Variants in ABCA13 observed in about 807,000 individuals in gnomAD.
ABCA13 encodes the protein ATP binding cassette subfamily A member 13, also known as ATP-binding cassette sub-family A member 13.
ABCA13 carries 476 observed loss-of-function variants against 478.7 expected under a neutral mutation model. The ratio of observed to expected loss-of-function variants is 0.99; its 90% CI spans 0.92 to 1.07. ABCA13 has a LOEUF of 1.07. Among genes scored for constraint, ABCA13 ranks in the 50% least tolerant of loss-of-function variants. The pLI is 0.00. For missense variants in ABCA13, 6,060 were observed against 5,910.6 expected, an observed-to-expected ratio of 1.03 and a Z score of -0.83; for synonymous variants, 2,252 against 2,158.9, an observed-to-expected ratio of 1.04 and a Z score of -1.20.
chr7:48,392,312 T>C (rs1183169644), intron 38 of ABCA13, among the ~76,000 whole-genome samples, 173 bp downstream of exon 38: 1 of 152,224 alleles, frequency 6.6e-6, no homozygotes, highest in African/African-American at 2.4e-5. Flanking sequence ...ACTGAGAATG[T>C]CAGAAAAGGC....
At chr7:48,458,170 A>C (rs561766836) in intron 43 of ABCA13, among the ~76,000 whole-genome samples, 27 of 152,282 alleles carry the variant, frequency 1.8e-4, no homozygotes, top group African/African-American at 6.3e-4. Flanking sequence ...GTGCCCTCTT[A>C]TGAGTGATAA....
chr7:48,175,074 G>A lies in ABCA13; in HGVS notation c.69+3522G>A, dbSNP rs138188058. On this transcript the variant is annotated intron_variant, in intron 1 of 61. Coordinates refer to ENST00000435803, the MANE Select transcript of ABCA13 (RefSeq NM_152701.5). ...GAGATCAGTTGACAATGTCTCACGG[G>A]TGACCCCATGGATAGTTCCAGTGCA... Among the ~76,000 whole-genome samples, 780 of 152,284 alleles carry A rather than the reference G, an allele frequency of 5.1e-3. 3 individuals are homozygous for A. Among genetic ancestry groups the A allele is most frequent in the African/African-American group, 0.018 (739 of 41,566 alleles).
chr7:48,593,746 A>T (rs1177448272), intron 57 of ABCA13, among the ~76,000 whole-genome samples: 1 of 151,010 alleles, frequency 6.6e-6, no homozygotes, highest in Non-Finnish European at 1.5e-5. Flanking sequence ...TTTATAAGAC[A>T]GGTATTGTGT....
intron 56 of ABCA13, among the ~76,000 whole-genome samples, chr7:48,581,773 G>A (rs1788732168): frequency 6.6e-6 from 1 of 152,114 alleles, no homozygotes; most frequent in South Asian, 2.1e-4. Flanking sequence ...TTATAAAACT[G>A]TAACTGATTT....
chr7:48,643,513 A>G (rs1795250901), intron 60 of ABCA13, 120 bp downstream of exon 60: 1 of 833,938 alleles, frequency 1.2e-6, no homozygotes, highest in Non-Finnish European at 1.9e-6. Flanking sequence ...CCTTAGCCAC[A>G]TTGCAAAGTA....
At chr7:48,251,016 T>C (rs1792472161) in intron 15 of ABCA13, among the ~76,000 whole-genome samples, 1 of 152,228 alleles carries the variant, frequency 6.6e-6, no homozygotes, top group Non-Finnish European at 1.5e-5. Flanking sequence ...CTGCTACTTT[T>C]AGAGGCTGCC....
At chr7:48,540,033 AGGTT>A (rs1388407284) in intron 55 of ABCA13, among the ~76,000 whole-genome samples, 1 of 152,172 alleles carries the variant, frequency 6.6e-6, no homozygotes, top group Non-Finnish European at 1.5e-5. Context: ...CAAGTGTTTG[AGGTT>A]GGTATGTGTA....
chr7:48,239,110 A>G, intron 8 of ABCA13, 131 bp from the exon 9 acceptor site: 1 of 921,402 alleles, frequency 1.1e-6, no homozygotes, highest in Non-Finnish European at 1.6e-6. Context: ...TCACATAGAT[A>G]TCATCACTTA....
At chr7:48,329,629 C>G (rs1033761861) in intron 27 of ABCA13, among the ~76,000 whole-genome samples, 3 of 151,876 alleles carry the variant, frequency 2.0e-5, no homozygotes, top group African/African-American at 7.3e-5. Flanking sequence ...ATCCATCCAT[C>G]CATCCATGCA....
In ABCA13 at chr7:48,219,398, A is replaced by G. The variant is rs1329537810; in HGVS notation, c.332A>G (p.Asn111Ser). ...QTAADPKKVNNLAFLKEIQDL... is the reference protein window; with the variant it reads ...QTAADPKKVNSLAFLKEIQDL... ...GCAGCTGACCCCAAGAAAGTCAACA[A>G]CCTGGCCTTTTTAAAAGAGATACAA... is the stretch of plus-strand genomic sequence containing the variant. The change falls in exon 4 of 62, where the codon AAC becomes AGC. Residue 111 changes from asparagine to serine, a missense_variant. Coordinates refer to ENST00000435803, the MANE Select transcript of ABCA13 (RefSeq NM_152701.5). 6.2e-7 allele frequency: 1 copy of G among 1,613,172 alleles called. No individual in the cohort carries two copies. The highest frequency in any genetic ancestry group is 1.1e-5 in the South Asian group (1 of 90,832).
At chr7:48,204,065 C>T (rs1784580638) in intron 3 of ABCA13, among the ~76,000 whole-genome samples, 1 of 151,920 alleles carries the variant, frequency 6.6e-6, no homozygotes, top group Non-Finnish European at 1.5e-5. Flanking sequence ...TCACCTGCTG[C>T]TGCCTCACCT....
chr7:48,193,104 A>C (rs535885402), intron 2 of ABCA13, 52 bp downstream of exon 2: 4 of 1,258,640 alleles, frequency 3.2e-6, no homozygotes, highest in African/African-American at 3.0e-5. Context: ...GAGAAAAAAA[A>C]CTCATAGCAC....
intron 15 of ABCA13, among the ~76,000 whole-genome samples, chr7:48,267,927 G>A (rs1054934639): frequency 2.6e-5 from 4 of 152,060 alleles, no homozygotes; most frequent in Admixed American, 2.6e-4. Flanking sequence ...GAAACAAATT[G>A]CTTGAAATAA....
chr7:48,624,288 GACA>G (rs1793451775), intron 59 of ABCA13, among the ~76,000 whole-genome samples: 2 of 152,142 alleles, frequency 1.3e-5, no homozygotes, highest in Non-Finnish European at 2.9e-5. Context: ...TGTACTTGCA[GACA>G]CTGAGCATAT....
intron 27 of ABCA13, among the ~76,000 whole-genome samples, chr7:48,330,023 A>T (rs1056085568): frequency 6.9e-6 from 1 of 144,636 alleles, no homozygotes; most frequent in Non-Finnish European, 1.5e-5. Context: ...TCATCCATTG[A>T]TCTATTTATC....
chr7:48,299,954 G>C (rs1799921693), intron 23 of ABCA13, among the ~76,000 whole-genome samples: 1 of 152,178 alleles, frequency 6.6e-6, no homozygotes, highest in African/African-American at 2.4e-5. Flanking sequence ...GTAATTGGGA[G>C]GAGTATTTAA....
chr7:48,217,011 T>C (rs979499696), intron 3 of ABCA13, among the ~76,000 whole-genome samples: 30 of 152,214 alleles, frequency 2.0e-4, no homozygotes, highest in African/African-American at 7.2e-4. Context: ...TAATATTTTT[T>C]GGTATTGTTT....
intron 15 of ABCA13, among the ~76,000 whole-genome samples, chr7:48,260,444 T>C (rs1794014326): frequency 6.6e-6 from 1 of 152,098 alleles, no homozygotes; most frequent in African/African-American, 2.4e-5. Flanking sequence ...CTTTACCATT[T>C]TACCAATGTA....
chr7:48,552,593 CTT>C (rs397800820), intron 55 of ABCA13, among the ~76,000 whole-genome samples: 1 of 134,228 alleles, frequency 7.5e-6, no homozygotes. Context: ...CCTTTGTTGC[CTT>C]TTTTTTTTTT....
Sources: gnomAD v4.1 joint callset for allele counts (sites outside exome capture counted in the v4.1 genomes callset) on GRCh38, gnomAD v4.1.1 for gene constraint, MANE v1.5 for transcripts, NCBI Gene and HGNC (gene_info 2026-07-23, HGNC 2026-07-21) for gene names.